Variants in DMD observed in about 807,000 individuals in gnomAD.
The protein encoded by DMD is mutant dystrophin.
DMD carries 63 observed loss-of-function variants against 330.1 expected under a neutral mutation model. The observed-to-expected ratio is 0.19, with a 90% confidence interval of 0.16 to 0.24. DMD has a LOEUF of 0.24. Among genes scored for constraint, DMD ranks in the 10% least tolerant of loss-of-function variants. The pLI is 1.00. For synonymous variants in DMD, 1,223 were observed against 959.8 expected (o/e 1.27, Z -5.07); for missense variants, 3,344 against 2,684.1 (o/e 1.25, Z -5.43).
intron 62 of DMD, among the ~76,000 whole-genome samples, chrX:31,289,280 A>AAAAAAAAAAAAAAAAAACC (rs2053496644): frequency 1.2e-5 from 1 of 85,627 alleles, no homozygotes. Flanking sequence ...AAATAAAATA[A>AAAAAAAAAAAAAAAAAACC]AATCCATCTC....
chrX:32,971,352 C>A (rs778288074), intron 2 of DMD, among the ~76,000 whole-genome samples: 1 of 111,584 alleles, frequency 9.0e-6, no homozygotes. Context: ...AAGTGTACAA[C>A]AAATGATTTG....
At chrX:32,756,135 A>C (rs919487193) in intron 7 of DMD, 1 of 112,410 alleles carries the variant, frequency 8.9e-6, no homozygotes, top group Non-Finnish European at 1.9e-5. Context: ...AGTAACTATC[A>C]TTAAAATGCA....
At chrX:33,085,956 GA>G (rs2094999342) in intron 1 of DMD, 1 of 111,697 alleles carries the variant, frequency 9.0e-6, no homozygotes, top group Admixed American at 9.6e-5. Flanking sequence ...AACAAAAAAA[GA>G]AAAAAAGTTA....
chrX:32,712,900 T>C (rs889654269), intron 7 of DMD, among the ~76,000 whole-genome samples: 19 of 111,827 alleles, frequency 1.7e-4, no homozygotes, highest in Non-Finnish European at 3.2e-4. Context: ...TAAATGTTTA[T>C]TCACATTCAA....
At chrX:32,316,903 TTAA>T (rs1281020498) in intron 41 of DMD, among the ~76,000 whole-genome samples, 2 of 111,024 alleles carry the variant, frequency 1.8e-5, no homozygotes. Context: ...TCAGTTTGGT[TTAA>T]TAAAAATTTC....
Position 32,714,394 on chromosome X carries a change from G to A in DMD, c.650-15101C>T, listed in dbSNP as rs1434631933. On this transcript the variant is annotated intron_variant, in intron 7 of 78. Transcript: ENST00000357033. ...TATGTCCATGTGTACCCATTGATTAGTTACCACTTATAGGAAAATACAGTA... is the reference window on the plus strand; with the variant it reads ...TATGTCCATGTGTACCCATTGATTAATTACCACTTATAGGAAAATACAGTA... Among the ~76,000 whole-genome samples the A allele has an allele frequency of 7.2e-5, 8 of 111,252 alleles. No individual in the cohort carries two copies. In the Admixed American group the frequency reaches 7.7e-4, roughly 11 times the overall value.
intron 7 of DMD, among the ~76,000 whole-genome samples, chrX:32,732,577 T>A (rs2067846653): frequency 9.0e-6 from 1 of 111,464 alleles, no homozygotes; most frequent in African/African-American, 3.3e-5. Context: ...GCAGACACCC[T>A]ACAAGCCAGA....
At chrX:32,497,867 A>T (rs1176443477) in intron 19 of DMD, among the ~76,000 whole-genome samples, 1 of 111,798 alleles carries the variant, frequency 8.9e-6, no homozygotes, top group Non-Finnish European at 1.9e-5. Flanking sequence ...AGACTGTTCA[A>T]ATTAAAATCT....
intron 52 of DMD, among the ~76,000 whole-genome samples, chrX:31,727,079 TA>T (rs1357085479): frequency 8.9e-6 from 1 of 111,976 alleles, no homozygotes; most frequent in Non-Finnish European, 1.9e-5. Flanking sequence ...AAATACTGTA[TA>T]ATACATTCAT....
At chrX:32,793,070 C>T (rs1431460167) in intron 7 of DMD, among the ~76,000 whole-genome samples, 1 of 111,558 alleles carries the variant, frequency 9.0e-6, no homozygotes, top group African/African-American at 3.3e-5. Context: ...TATGTCTTAA[C>T]AAATTTATAA....
chrX:32,879,239 C>G (rs1032008258), intron 2 of DMD, among the ~76,000 whole-genome samples: 1 of 111,209 alleles, frequency 9.0e-6, no homozygotes, highest in African/African-American at 3.3e-5. Context: ...GTAGAGATGG[C>G]ATTTATTAAT....
chrX:32,855,010 C>T (rs2081426092), intron 2 of DMD, among the ~76,000 whole-genome samples: 1 of 111,615 alleles, frequency 9.0e-6, no homozygotes, highest in African/African-American at 3.3e-5. Context: ...CCTAGGGATG[C>T]CAAGATGGGT....
At chrX:32,023,173 G>A (rs1226388953) in intron 44 of DMD, among the ~76,000 whole-genome samples, 1 of 111,027 alleles carries the variant, frequency 9.0e-6, no homozygotes, top group African/African-American at 3.3e-5. Flanking sequence ...TTGCAACTTC[G>A]GAAAAATTTC....
chrX:31,699,064 A>T (rs1479183669), intron 52 of DMD, among the ~76,000 whole-genome samples: 1 of 112,137 alleles, frequency 8.9e-6, no homozygotes, highest in African/African-American at 3.2e-5. Context: ...AATAACAAGA[A>T]AATTAATAAT....
At chrX:32,792,721 G>A (rs2075910671) in intron 7 of DMD, among the ~76,000 whole-genome samples, 1 of 111,670 alleles carries the variant, frequency 9.0e-6, no homozygotes, top group South Asian at 3.7e-4. Context: ...AAACAATAAG[G>A]TCATTATATA....
In DMD at chrX:32,464,708, A is replaced by C; in HGVS notation, c.3163-9T>G. On this transcript the variant is annotated splice_polypyrimidine_tract_variant and intron_variant, in intron 23 of 78. Coordinates refer to ENST00000357033, the MANE Select transcript of DMD (RefSeq NM_004006.3). ...AGGGTTTGTATGTGATTCTGAAACG[A>C]GACCCGTTATAAGGCATTACTGGTG... 1 of 1,136,508 alleles carries C rather than the reference A, an allele frequency of 8.8e-7. No homozygotes were observed. Among genetic ancestry groups the C allele is most frequent in the Non-Finnish European group, 1.2e-6 (1 of 827,127 alleles). 93.7% of individuals were successfully genotyped at this position (1,136,508 alleles called of 1,213,427 possible). A position where few individuals can be genotyped will look rare whatever the true frequency, so the allele number is the denominator to read the frequency against.
At chrX:32,255,992 G>A (rs957954746) in intron 43 of DMD, among the ~76,000 whole-genome samples, 7 of 111,065 alleles carry the variant, frequency 6.3e-5, no homozygotes, top group African/African-American at 1.3e-4. Flanking sequence ...ACAGATTCAC[G>A]TACTATGTAT....
chrX:31,508,420 A>G (rs186213318), intron 55 of DMD: 5 of 397,252 alleles, frequency 1.3e-5, no homozygotes, highest in East Asian at 4.5e-5. Context: ...ACTCCGCACT[A>G]AACAGTAGCC....
At chrX:32,426,520 C>T (rs1400802203) in intron 29 of DMD, among the ~76,000 whole-genome samples, 1 of 111,548 alleles carries the variant, frequency 9.0e-6, no homozygotes, top group Non-Finnish European at 1.9e-5. Flanking sequence ...AACATTTATA[C>T]ACTGCTGGTG....
Sources: gnomAD v4.1 joint callset for allele counts (sites outside exome capture counted in the v4.1 genomes callset) on GRCh38, gnomAD v4.1.1 for gene constraint, MANE v1.5 for transcripts, NCBI Gene and HGNC (gene_info 2026-07-23, HGNC 2026-07-21) for gene names.